MUCL1: variants seen among roughly 807,000 people sequenced by gnomAD.
MUCL1 encodes mucin-like protein 1.
MUCL1 carries 11 observed loss-of-function variants against 9.2 expected under a neutral mutation model. The ratio of observed to expected loss-of-function variants is 1.19; its 90% CI spans 0.75 to 1.97. MUCL1 has a LOEUF of 1.97. Ranked by LOEUF, MUCL1 falls within the 30% of genes most tolerant of loss-of-function variation. The pLI is 0.00. For missense variants in MUCL1, 144 were observed against 110.9 expected, an observed-to-expected ratio of 1.30 and a Z score of -1.34; for synonymous variants, 48 against 40.5, an observed-to-expected ratio of 1.19 and a Z score of -0.71.
At chr12:54,855,192 A>C in intron 2 of MUCL1, 35 bp downstream of exon 2, 1 of 1,602,536 alleles carries the variant, frequency 6.2e-7, no homozygotes. Context: ...TCTTTCCAGC[A>C]ATAACCATTT....
upstream of MUCL1, among the ~76,000 whole-genome samples, chr12:54,834,542 T>G (rs1959189765): frequency 6.6e-6 from 1 of 152,036 alleles, no homozygotes; most frequent in Non-Finnish European, 1.5e-5. Context: ...ATATACACAG[T>G]GAAGTTGTTA....
intron 2 of MUCL1, among the ~76,000 whole-genome samples, chr12:54,855,670 C>G (rs188026038): frequency 5.3e-5 from 8 of 152,276 alleles, no homozygotes; most frequent in Admixed American, 3.9e-4. Flanking sequence ...ATGTTTGTTT[C>G]CCTTCTCTAA....
At chr12:54,857,848 A>G (rs1344733435) in intron 3 of MUCL1, among the ~76,000 whole-genome samples, 1 of 152,158 alleles carries the variant, frequency 6.6e-6, no homozygotes, top group African/African-American at 2.4e-5. Flanking sequence ...GAACTCTGTC[A>G]ATAATCTGTA....
upstream of MUCL1, among the ~76,000 whole-genome samples, chr12:54,853,953 C>T (rs150275377): frequency 5.6e-4 from 85 of 152,284 alleles, no homozygotes; most frequent in Middle Eastern, 3.4e-3. Flanking sequence ...TTGCTAAATC[C>T]AGTAAGGTCA....
intron 1 of MUCL1, among the ~76,000 whole-genome samples, chr12:54,839,889 C>T (rs1436255610): frequency 6.6e-6 from 1 of 152,176 alleles, no homozygotes; most frequent in Non-Finnish European, 1.5e-5. Flanking sequence ...TGTGGCGGAG[C>T]TGCAGACTTT....
intron 1 of MUCL1, among the ~76,000 whole-genome samples, chr12:54,843,276 C>T (rs1366649053): frequency 6.6e-6 from 1 of 152,096 alleles, no homozygotes; most frequent in East Asian, 1.9e-4. Context: ...TTAATTAAGA[C>T]AATACTTTTC....
upstream of MUCL1, among the ~76,000 whole-genome samples, chr12:54,838,038 A>G (rs1017552131): frequency 2.6e-5 from 4 of 152,162 alleles, no homozygotes; most frequent in African/African-American, 9.7e-5. Context: ...TGTGAGTTTT[A>G]TGCTTCAAGT....
chr12:54,855,665 T>C (rs1192724177), intron 2 of MUCL1, among the ~76,000 whole-genome samples: 1 of 152,208 alleles, frequency 6.6e-6, no homozygotes, highest in Admixed American at 6.5e-5. Context: ...GGCTGATGTT[T>C]GTTTCCCTTC....
At chr12:54,845,735 G>T (rs1006392858) in intron 1 of MUCL1, among the ~76,000 whole-genome samples, 3 of 152,198 alleles carry the variant, frequency 2.0e-5, no homozygotes, top group South Asian at 2.1e-4. Context: ...GGACTGGACT[G>T]GTTCTGCTGT....
At chr12:54,845,237 T>G (rs542545690) in intron 1 of MUCL1, among the ~76,000 whole-genome samples, 1 of 152,310 alleles carries the variant, frequency 6.6e-6, no homozygotes, top group South Asian at 2.1e-4. Flanking sequence ...ACTTTGTTAC[T>G]GAGCAATGAG....
chr12:54,847,832 A>G (rs1328288681), intron 1 of MUCL1, among the ~76,000 whole-genome samples: 2 of 152,162 alleles, frequency 1.3e-5, no homozygotes, highest in African/African-American at 2.4e-5. Context: ...CGGGTCATGC[A>G]TTGAAGAAAC....
intron 1 of MUCL1, chr12:54,839,460 G>A (rs560748231): frequency 4.8e-5 from 34 of 701,674 alleles, no homozygotes; most frequent in Admixed American, 2.6e-4. Flanking sequence ...GGGTAAATGC[G>A]ACATCCAATT....
chr12:54,855,939 G>T (rs1868295155), intron 2 of MUCL1, among the ~76,000 whole-genome samples: 1 of 152,182 alleles, frequency 6.6e-6, no homozygotes, highest in Non-Finnish European at 1.5e-5. Context: ...GAGACAGCAT[G>T]GATAGAGTGT....
intron 1 of MUCL1, among the ~76,000 whole-genome samples, chr12:54,849,408 C>T (rs2135943970): frequency 6.6e-6 from 1 of 152,046 alleles, no homozygotes; most frequent in Admixed American, 6.5e-5. Context: ...TGTTTTGGCC[C>T]ATCTAGAGAC....
chr12:54,839,703 A>T (rs1959200939), intron 1 of MUCL1, among the ~76,000 whole-genome samples: 1 of 151,984 alleles, frequency 6.6e-6, no homozygotes, highest in African/African-American at 2.4e-5. Context: ...GATTGTGACT[A>T]CTCCTTGTGG....
upstream of MUCL1, among the ~76,000 whole-genome samples, chr12:54,835,000 T>G (rs1959190539): frequency 6.6e-6 from 1 of 152,118 alleles, no homozygotes; most frequent in Non-Finnish European, 1.5e-5. Context: ...ACATACGGTA[T>G]TTTGTTTTCC....
chr12:54,838,197 T>A (rs1377432368), upstream of MUCL1, among the ~76,000 whole-genome samples: 1 of 152,212 alleles, frequency 6.6e-6, no homozygotes, highest in Admixed American at 6.5e-5. Flanking sequence ...AACTTAGTTT[T>A]GCTTGATACA....
At chr12:54,847,269 C>G (rs567596353) in intron 1 of MUCL1, among the ~76,000 whole-genome samples, 54 of 152,304 alleles carry the variant, frequency 3.5e-4, no homozygotes, top group African/African-American at 1.3e-3. Flanking sequence ...CTATTTTTCT[C>G]TCTGTCTCTT....
At chr12:54,856,991 C>T (rs1868306024) in intron 3 of MUCL1, 99 bp downstream of exon 3, 2 of 1,524,168 alleles carry the variant, frequency 1.3e-6, no homozygotes, top group Admixed American at 1.9e-5. Context: ...GTCAGGGAGA[C>T]CTCTTCTTTA....
Sources: allele counts gnomAD v4.1 joint callset (sites outside exome capture counted in the v4.1 genomes callset), GRCh38; gene constraint gnomAD v4.1.1; transcripts MANE v1.5; gene names NCBI Gene and HGNC (gene_info 2026-07-23, HGNC 2026-07-21).